Variants in ZNF891 observed in about 807,000 individuals in gnomAD.
ZNF891 encodes the protein hCG1646157.
For synonymous variants in ZNF891, 199 were observed against 209.0 expected (o/e 0.95, Z 0.41); for missense variants, 589 against 632.7 (o/e 0.93, Z 0.74).
At chr12:133,128,612 CGA>C (rs879496829) in intron 1 of ZNF891, among the ~76,000 whole-genome samples, 24 of 151,744 alleles carry the variant, frequency 1.6e-4, no homozygotes, top group Non-Finnish European at 3.1e-4. Context: ...CCCGCCTGGG[CGA>C]GAGAGAGAGA....
In ZNF891 at chr12:133,122,009, T is replaced by C; in HGVS notation, c.-91A>G. ...AATCCAGTCACAGGAGGGATGCATT[T>C]CACCCGAAGTTCTCCCTGTAGCCAA... On this transcript the variant is annotated 5_prime_UTR_variant, in exon 2 of 2. Coordinates refer to ENST00000537226, the MANE Select transcript of ZNF891 (RefSeq NM_001277291.2). 7.1e-7 allele frequency: 1 copy of C among 1,403,232 alleles called. No individual in the cohort carries two copies. The highest frequency in any genetic ancestry group is 9.2e-7 in the Non-Finnish European group (1 of 1,081,656). The allele number at this position is 1,403,232 out of a possible 1,614,324, so 86.9% of individuals were successfully genotyped here. A position where few individuals can be genotyped will look rare whatever the true frequency, so the allele number is the denominator to read the frequency against.
Position 133,122,216 on chromosome 12 carries a change from T to C in ZNF891, c.-106-192A>G, listed in dbSNP as rs940271226. On this transcript the variant is annotated intron_variant, in intron 1 of 1. Transcript: ENST00000537226. Reference sequence around the variant, plus strand: ...TTACCCACTTCAAGAAATGCCATCCTGATTCTTTGTACTGGCTTCTCCTGC... The same window carrying C: ...TTACCCACTTCAAGAAATGCCATCCCGATTCTTTGTACTGGCTTCTCCTGC... The C allele has an allele frequency of 4.4e-5, 47 of 1,065,928 alleles. No individual in the cohort carries two copies. The African/African-American group carries it at 7.0e-4, about 16-fold the overall frequency. 66.0% of individuals were successfully genotyped at this position (1,065,928 alleles called of 1,614,324 possible).
rs1317289707 is a variant in ZNF891, at chr12:133,106,648, G to T, written c.*13636C>A. 5 of 1,572,554 alleles carry T rather than the reference G, an allele frequency of 3.2e-6. No individual in the cohort carries two copies. The Admixed American group carries it at 5.8e-5, about 18-fold the overall frequency. ...ACCACTCATTCCTTACTGAACACCA[G>T]TGAATTTACACTGCAAAGAAAAACT... On this transcript the variant is annotated 3_prime_UTR_variant, in exon 2 of 2. Transcript: ENST00000537226.
chr12:133,108,384 ATTAT>A lies in ZNF891; in HGVS notation c.*11896_*11899del, dbSNP rs1004235290. 10 of 151,942 alleles carry A rather than the reference ATTAT, an allele frequency of 6.6e-5. No homozygotes were observed. The highest frequency in any genetic ancestry group is 1.2e-4 in the African/African-American group (5 of 41,356). 9.4% of individuals were successfully genotyped at this position (151,942 alleles called of 1,614,324 possible). ...AGCAAAATTAGGATATGAAAAATTC[ATTAT>A]TTATTTATTTAAGAGTATACTCAAT... On this transcript the variant is annotated 3_prime_UTR_variant, in exon 2 of 2. Coordinates refer to ENST00000537226, the MANE Select transcript of ZNF891 (RefSeq NM_001277291.2).
intron 1 of ZNF891, among the ~76,000 whole-genome samples, chr12:133,124,603 A>C (rs555016517): frequency 1.3e-5 from 2 of 151,822 alleles, no homozygotes; most frequent in Admixed American, 1.3e-4. Context: ...CTACAAGGGA[A>C]TATCAATTAT....
intron 1 of ZNF891, 43 bp from the exon 2 acceptor site, chr12:133,122,067 A>T: frequency 5.0e-6 from 7 of 1,404,062 alleles, no homozygotes; most frequent in Non-Finnish European, 6.5e-6. Flanking sequence ...AGAAAGCTGG[A>T]AACAGGGCCC....
Position 133,117,234 on chromosome 12 carries a change from AG to A in ZNF891, c.*3049del, listed in dbSNP as rs1955720331. On this transcript the variant is annotated 3_prime_UTR_variant, in exon 2 of 2. Coordinates refer to ENST00000537226, the MANE Select transcript of ZNF891 (RefSeq NM_001277291.2). Reference sequence around the variant, plus strand: ...ATCATATATCTATATTTTACTGGCCAGGAACAGTAGAAATGGCATCAAGGCT... The same window carrying A: ...ATCATATATCTATATTTTACTGGCCAGAACAGTAGAAATGGCATCAAGGCT... 1 of 152,242 alleles carries A rather than the reference AG, an allele frequency of 6.6e-6. No homozygotes were observed. Among genetic ancestry groups the A allele is most frequent in the Non-Finnish European group, 1.5e-5 (1 of 68,044 alleles). 9.4% of individuals were successfully genotyped at this position (152,242 alleles called of 1,614,324 possible). A position where few individuals can be genotyped will look rare whatever the true frequency, so the allele number is the denominator to read the frequency against.
chr12:133,121,871 G>T lies in ZNF891; in HGVS notation c.48C>A (p.Asp16Glu), dbSNP rs752366821. The change falls in exon 2 of 2, where the codon GAC (aspartate) becomes GAA (glutamate). Residue 16 changes from aspartate to glutamate, a missense_variant. By Grantham distance (45) the Asp-to-Glu change is conservative. Coordinates refer to ENST00000537226, the MANE Select transcript of ZNF891 (RefSeq NM_001277291.2). Reference protein sequence around the residue: ...LSSPWALTKQDSACFHLRNAE... With the variant: ...LSSPWALTKQESACFHLRNAE... ...CATTTCTCAGATGGAAACAGGCAGA[G>T]TCCTGTTTAGTTAAAGCCCATGGGG... 4 of 1,536,224 alleles carry T rather than the reference G, an allele frequency of 2.6e-6. No homozygotes were observed. In the South Asian group the frequency reaches 4.8e-5, roughly 18 times the overall value.
intron 1 of ZNF891, among the ~76,000 whole-genome samples, chr12:133,125,062 A>G (rs1955801612): frequency 6.6e-6 from 1 of 152,188 alleles, no homozygotes; most frequent in South Asian, 2.1e-4. Flanking sequence ...CTATGGAAAA[A>G]CCATACAGAC....
rs1273340657 is a variant in ZNF891 at position 133,120,440 on chromosome 12, A to G, written c.1479T>C (p.Cys493=). The change falls in exon 2 of 2, where the codon TGT becomes TGC. Residue 493 remains cysteine (C), a synonymous_variant. Transcript: ENST00000537226. ...TGEKPYECKE[C]RKAFSVSSSL... is the part of the protein sequence containing the mutation. ...AAGAGGAAACACTGAAGGCTTTCCT[A>G]CATTCCTTACATTCATAGGGTTTCT... The G allele has an allele frequency of 1.2e-6, 2 of 1,604,744 alleles. No homozygotes were observed. The highest frequency in any genetic ancestry group is 2.2e-5 in the East Asian group (1 of 44,524).
chr12:133,117,786 C>G lies in ZNF891; in HGVS notation c.*2498G>C, dbSNP rs911793367. On this transcript the variant is annotated 3_prime_UTR_variant, in exon 2 of 2. Coordinates refer to ENST00000537226, the MANE Select transcript of ZNF891 (RefSeq NM_001277291.2). ...TTTACTTCTTTGCCCTTTATTGATT[C>G]CTAAAGTCAGCCCAATCTAGCAACC... The G allele has an allele frequency of 2.6e-5, 4 of 152,118 alleles. No individual in the cohort carries two copies. The highest frequency in any genetic ancestry group is 5.9e-5 in the Non-Finnish European group (4 of 68,034). The allele number at this position is 152,118 out of a possible 1,614,324, so 9.4% of individuals were successfully genotyped here.
At position 133,106,348 on chromosome 12, in the gene ZNF891, T is replaced by C; in HGVS notation, c.*13936A>G. 2 of 1,614,140 alleles carry C rather than the reference T, an allele frequency of 1.2e-6. No homozygotes were observed. The highest frequency in any genetic ancestry group is 1.1e-5 in the South Asian group (1 of 91,076). ...GAATTCATGCTGGAGAAAAGCTCTATGAATGTGATGAATGTGGTAAAGTTT... is the reference window on the plus strand; with the variant it reads ...GAATTCATGCTGGAGAAAAGCTCTACGAATGTGATGAATGTGGTAAAGTTT... On this transcript the variant is annotated 3_prime_UTR_variant, in exon 2 of 2. Transcript: ENST00000537226.
rs1366910316 is a variant in ZNF891, at chr12:133,104,847, G to A, written c.*15437C>T. On this transcript the variant is annotated 3_prime_UTR_variant, in exon 2 of 2. Coordinates refer to ENST00000537226, the MANE Select transcript of ZNF891 (RefSeq NM_001277291.2). ...AGGTTAAAGGTTACTCATGTTACATGAGCAAATTGTGTGTCATGGGGGTTT... is the reference window on the plus strand; with the variant it reads ...AGGTTAAAGGTTACTCATGTTACATAAGCAAATTGTGTGTCATGGGGGTTT... Among the ~76,000 whole-genome samples the A allele has an allele frequency of 6.6e-6, 1 of 152,110 alleles. No homozygotes were observed. Among genetic ancestry groups the A allele is most frequent in the Non-Finnish European group, 1.5e-5 (1 of 68,028 alleles).
Position 133,107,431 on chromosome 12 carries a change from T to A in ZNF891, c.*12853A>T, listed in dbSNP as rs1378198420. ...TAAATCTTTTGGTTTATTATAAACC[T>A]TCTGCTTGCTGATTTTTTCCCACAG... On this transcript the variant is annotated 3_prime_UTR_variant, in exon 2 of 2. Transcript: ENST00000537226. 1 of 152,172 alleles carries A rather than the reference T, an allele frequency of 6.6e-6. No individual in the cohort carries two copies. The highest frequency in any genetic ancestry group is 1.9e-4 in the East Asian group (1 of 5,206). 9.4% of individuals were successfully genotyped at this position (152,172 alleles called of 1,614,324 possible). A position where few individuals can be genotyped will look rare whatever the true frequency, so the allele number is the denominator to read the frequency against.
rs555828205 is a variant in ZNF891, at chr12:133,115,459, G to T, written c.*4825C>A. ...ATAACTCAATTTTTATAAAATGTTT[G>T]TATGTACATAAAGTCTGACAGAATG... On this transcript the variant is annotated 3_prime_UTR_variant, in exon 2 of 2. Coordinates refer to ENST00000537226, the MANE Select transcript of ZNF891 (RefSeq NM_001277291.2). The T allele has an allele frequency of 7.5e-6, 1 of 133,366 alleles. No individual in the cohort carries two copies. Among genetic ancestry groups the T allele is most frequent in the African/African-American group, 2.8e-5 (1 of 36,294 alleles). 8.3% of individuals were successfully genotyped at this position (133,366 alleles called of 1,614,324 possible).
Position 133,105,007 on chromosome 12 carries a change from A to AT in ZNF891, c.*15276dup, listed in dbSNP as rs1180639531. Among the ~76,000 whole-genome samples, 1 of 152,190 alleles carries AT rather than the reference A, an allele frequency of 6.6e-6. No individual in the cohort carries two copies. The highest frequency in any genetic ancestry group is 2.4e-5 in the African/African-American group (1 of 41,450). On this transcript the variant is annotated 3_prime_UTR_variant, in exon 2 of 2. Coordinates refer to ENST00000537226, the MANE Select transcript of ZNF891 (RefSeq NM_001277291.2). ...CATAATTATACCAAATATGAGCTTC[A>AT]TACTAGTTCAGAAGGTAGAGTTGGA...
Position 133,120,621 on chromosome 12 carries a change from T to C in ZNF891, c.1298A>G (p.Glu433Gly). Residue 433 changes from glutamate (E) to glycine (G), a missense_variant, in exon 2 of 2, where the codon GAA (glutamate) becomes GGA (glycine). Coordinates refer to ENST00000537226, the MANE Select transcript of ZNF891 (RefSeq NM_001277291.2). ...KRIHTGEKLY[E>G]CSECGKAFNT... ...GAAGGCTTTTCCACACTCACTGCAT[T>C]CATAGAGTTTTTCTCCAGTGTGTAT... 6.4e-7 allele frequency: 1 copy of C among 1,560,400 alleles called. No individual in the cohort carries two copies. The highest frequency in any genetic ancestry group is 8.7e-7 in the Non-Finnish European group (1 of 1,153,436).
At position 133,121,024 on chromosome 12, in the gene ZNF891, C is replaced by T. The variant is rs1955753082; in HGVS notation, c.895G>A (p.Asp299Asn). ...MAQNACECNK[D>N]ETLCHQSSLK... is the part of the protein sequence containing the mutation. ...GATGATTGATGACACAGCGTTTCAT[C>T]TTTATTACATTCACAGGCATTCTGT... is the stretch of plus-strand genomic sequence containing the variant. Residue 299 changes from aspartate to asparagine, a missense_variant, in exon 2 of 2, where the codon GAT becomes AAT. Transcript: ENST00000537226. 6.5e-7 allele frequency: 1 copy of T among 1,535,652 alleles called. No individual in the cohort carries two copies. The highest frequency in any genetic ancestry group is 2.4e-5 in the East Asian group (1 of 40,898).
chr12:133,119,210 T>A lies in ZNF891; in HGVS notation c.*1074A>T, dbSNP rs1315197018. The A allele has an allele frequency of 6.7e-6, 1 of 149,922 alleles. No individual in the cohort carries two copies. The allele number at this position is 149,922 out of a possible 1,614,324, so 9.3% of individuals were successfully genotyped here. The stretch of plus-strand genomic sequence containing the variant: ...ATTCTAGCCTGAGAGACAGAGACTC[T>A]GTCTGAAAAATTGAAAAAAAAAAAG... On this transcript the variant is annotated 3_prime_UTR_variant, in exon 2 of 2. Transcript: ENST00000537226.
Sources: allele counts gnomAD v4.1 joint callset (sites outside exome capture counted in the v4.1 genomes callset), GRCh38; gene constraint gnomAD v4.1.1; transcripts MANE v1.5; gene names NCBI Gene and HGNC (gene_info 2026-07-23, HGNC 2026-07-21).